FAM227B: variants seen among roughly 807,000 people sequenced by gnomAD.
FAM227B encodes protein FAM227B.
A neutral mutation model predicts 73.8 loss-of-function variants in FAM227B; 88 were observed. The observed-to-expected ratio is 1.19, with a 90% CI of 1.00 to 1.42. FAM227B has a LOEUF of 1.42. FAM227B is among the 40% of genes most tolerant of loss of function. The pLI, the probability that FAM227B is intolerant of heterozygous loss-of-function variation, is 0.00. For synonymous variants in FAM227B, 210 were observed against 190.5 expected (o/e 1.10, Z -0.84); for missense variants, 632 against 590.9 (o/e 1.07, Z -0.72).
At chr15:49,367,372 T>C (rs2045384167) in intron 13 of FAM227B, 76 bp downstream of exon 13, 6 of 1,269,654 alleles carry the variant, frequency 4.7e-6, no homozygotes, top group Non-Finnish European at 6.4e-6. Context: ...TGTTTCTCAA[T>C]TGAGACATTC....
chr15:49,481,301 G>A (rs573076344), intron 11 of FAM227B, among the ~76,000 whole-genome samples: 1 of 152,282 alleles, frequency 6.6e-6, no homozygotes, highest in Non-Finnish European at 1.5e-5. Flanking sequence ...CATTTTGGAG[G>A]TATTGCAAAT....
At chr15:49,522,658 T>C (rs186051326) in intron 10 of FAM227B, among the ~76,000 whole-genome samples, 3 of 152,174 alleles carry the variant, frequency 2.0e-5, no homozygotes, top group South Asian at 2.1e-4. Context: ...GCTTTAACAA[T>C]AGACTAGACC....
intron 9 of FAM227B, 97 bp downstream of exon 9, chr15:49,568,148 C>G: frequency 8.9e-7 from 1 of 1,121,524 alleles, no homozygotes; most frequent in Non-Finnish European, 1.3e-6. Context: ...TCAAAAGTAA[C>G]AAAATATATT....
chr15:49,457,630 A>G (rs960250914), intron 11 of FAM227B, among the ~76,000 whole-genome samples: 17 of 152,138 alleles, frequency 1.1e-4, no homozygotes, highest in African/African-American at 4.1e-4. Flanking sequence ...ATGAGTCTAT[A>G]AAATGAGTAT....
intron 9 of FAM227B, among the ~76,000 whole-genome samples, chr15:49,566,737 T>C (rs1266386439): frequency 2.0e-5 from 3 of 152,188 alleles, no homozygotes; most frequent in African/African-American, 7.2e-5. Flanking sequence ...AAAGGAAGAC[T>C]TAGTGCAAGT....
intron 11 of FAM227B, among the ~76,000 whole-genome samples, chr15:49,500,481 G>C (rs76667332): frequency 0.02 from 3,014 of 152,288 alleles, 122 homozygotes; most frequent in African/African-American, 0.069. Flanking sequence ...AAGATACATG[G>C]ATGGCAAATA....
intron 13 of FAM227B, among the ~76,000 whole-genome samples, chr15:49,338,414 G>A (rs2040139387): frequency 6.6e-6 from 1 of 152,090 alleles, no homozygotes. Flanking sequence ...TGAAATTCTG[G>A]GTTGAAAATT....
At chr15:49,366,311 C>T (rs1233878692) in intron 13 of FAM227B, 1 of 787,484 alleles carries the variant, frequency 1.3e-6, no homozygotes, top group Non-Finnish European at 2.4e-6. Context: ...AGATCTGTTA[C>T]CTGAGGTAGG....
chr15:49,584,547 T>C (rs1341409547), intron 5 of FAM227B, among the ~76,000 whole-genome samples: 2 of 152,152 alleles, frequency 1.3e-5, no homozygotes, highest in African/African-American at 4.8e-5. Flanking sequence ...ATAAAGGGCA[T>C]CCAAATAGAA....
chr15:49,567,881 T>A (rs1225498075), intron 9 of FAM227B, among the ~76,000 whole-genome samples: 1 of 151,974 alleles, frequency 6.6e-6, no homozygotes, highest in Non-Finnish European at 1.5e-5. Context: ...AATAAACTTG[T>A]AAAGTCCGCT....
chr15:49,591,484 CTTTTTTT>C (rs71120696), intron 3 of FAM227B, among the ~76,000 whole-genome samples: 1 of 55,348 alleles, frequency 1.8e-5, no homozygotes, highest in Non-Finnish European at 3.4e-5. Flanking sequence ...CCCTTCCTTC[CTTTTTTT>C]TTTTTTTTTT....
At chr15:49,545,306 TA>T (rs941384660) in intron 9 of FAM227B, among the ~76,000 whole-genome samples, 1 of 152,174 alleles carries the variant, frequency 6.6e-6, no homozygotes. Context: ...ATAGTAGCCC[TA>T]AATGATCTTT....
intron 3 of FAM227B, among the ~76,000 whole-genome samples, chr15:49,595,981 C>T (rs1296552371): frequency 6.6e-6 from 1 of 151,840 alleles, no homozygotes. Flanking sequence ...TGTTACATGA[C>T]CAAACCTAAA....
At chr15:49,585,721 G>T (rs12913571) in intron 5 of FAM227B, among the ~76,000 whole-genome samples, 28,401 of 151,970 alleles carry the variant, frequency 0.19, 3,106 homozygotes, top group East Asian at 0.36. Context: ...AGGGATAGCA[G>T]TAGGAGATAT....
chr15:49,504,710 A>T (rs1379811672), intron 11 of FAM227B, among the ~76,000 whole-genome samples: 1 of 152,028 alleles, frequency 6.6e-6, no homozygotes, highest in Non-Finnish European at 1.5e-5. Flanking sequence ...ATGACTGTAA[A>T]CTTCCTGAGG....
chr15:49,408,853 G>C (rs981885733), intron 11 of FAM227B, among the ~76,000 whole-genome samples: 3 of 151,896 alleles, frequency 2.0e-5, no homozygotes, highest in Admixed American at 6.6e-5. Flanking sequence ...GGGGTGGAGG[G>C]GTGGGGTTAT....
intron 12 of FAM227B, chr15:49,367,838 CAAT>C (rs2045448294): frequency 6.2e-6 from 1 of 161,964 alleles, no homozygotes; most frequent in Non-Finnish European, 1.1e-5. Context: ...TGCATATAGG[CAAT>C]AGACATTATT....
At chr15:49,613,156 G>A (rs1393294325) in intron 2 of FAM227B, among the ~76,000 whole-genome samples, 2 of 151,940 alleles carry the variant, frequency 1.3e-5, no homozygotes, top group Non-Finnish European at 2.9e-5. Context: ...TTTGAGACCA[G>A]GTTGGGCAAC....
At chr15:49,489,727 C>T (rs987397168) in intron 11 of FAM227B, among the ~76,000 whole-genome samples, 1 of 143,992 alleles carries the variant, frequency 6.9e-6, no homozygotes, top group African/African-American at 2.5e-5. Context: ...ATGGTAGGTA[C>T]ACACTGGTAT....
Sources: allele counts gnomAD v4.1 joint callset (sites outside exome capture counted in the v4.1 genomes callset), GRCh38; gene constraint gnomAD v4.1.1; transcripts MANE v1.5; gene names NCBI Gene and HGNC (gene_info 2026-07-23, HGNC 2026-07-21).